Variants in SUPT3H observed in about 807,000 individuals in gnomAD.
SUPT3H encodes SPT3 homolog, SAGA and STAGA complex component.
SUPT3H carries 44 observed loss-of-function variants against 44.3 expected under a neutral mutation model. The observed-to-expected ratio is 0.99, with a 90% CI of 0.78 to 1.28. The LOEUF is 1.28. Among genes scored for constraint, SUPT3H ranks in the 50% most tolerant of loss-of-function variants. SUPT3H has a pLI of 0.00. For synonymous variants in SUPT3H, 124 were observed against 125.6 expected (o/e 0.99, Z 0.09); for missense variants, 380 against 387.1 (o/e 0.98, Z 0.15).
chr6:45,161,965 A>G (rs1490564595), intron 2 of SUPT3H, among the ~76,000 whole-genome samples: 1 of 152,170 alleles, frequency 6.6e-6, no homozygotes, highest in East Asian at 1.9e-4. Flanking sequence ...CGTACTAAAT[A>G]AAGACAATGA....
At chr6:45,099,019 C>G in intron 3 of SUPT3H, 1 of 379,326 alleles carries the variant, frequency 2.6e-6, no homozygotes, top group Non-Finnish European at 5.2e-6. Context: ...CTTCCTCCTC[C>G]TACAGCAGCA....
intron 2 of SUPT3H, among the ~76,000 whole-genome samples, chr6:45,293,497 C>G (rs1456700902): frequency 6.7e-6 from 1 of 149,674 alleles, no homozygotes; most frequent in Admixed American, 6.7e-5. Flanking sequence ...CAGAGCAGAA[C>G]TAAACGAAAC....
intron 2 of SUPT3H, among the ~76,000 whole-genome samples, chr6:45,268,929 G>C (rs1006899710): frequency 2.0e-5 from 3 of 152,144 alleles, no homozygotes; most frequent in Admixed American, 6.5e-5. Flanking sequence ...AATTCATCAG[G>C]AAAATGTAAC....
chr6:44,817,692 G>A lies in SUPT3H; in HGVS notation c.*53-8191C>T, dbSNP rs554829612. On this transcript the variant is annotated intron_variant and NMD_transcript_variant, in intron 11 of 11. Coordinates refer to the SUPT3H transcript ENST00000475057. The stretch of plus-strand genomic sequence containing the variant: ...ATTTTATTTCTCTGTGAAATAAAAT[G>A]AATAATGAATAATTGGAAAATGAAA... Among the ~76,000 whole-genome samples, 6 of 151,736 alleles carry A rather than the reference G, an allele frequency of 4.0e-5. No homozygotes were observed. The East Asian group carries it at 1.2e-3, about 29-fold the overall frequency.
intron 10 of SUPT3H, among the ~76,000 whole-genome samples, chr6:44,862,818 T>C (rs1305927470): frequency 1.3e-5 from 2 of 152,064 alleles, no homozygotes; most frequent in Non-Finnish European, 2.9e-5. Context: ...AAAAGTTCAA[T>C]AAAGACGTAT....
intron 2 of SUPT3H, among the ~76,000 whole-genome samples, chr6:45,320,869 TTAG>T (rs1785379936): frequency 6.6e-6 from 1 of 152,160 alleles, no homozygotes; most frequent in Admixed American, 6.6e-5. Flanking sequence ...TATAAACAAT[TTAG>T]TAGTATTAGT....
intron 2 of SUPT3H, among the ~76,000 whole-genome samples, chr6:45,297,266 A>G (rs1271726286): frequency 6.6e-6 from 1 of 152,154 alleles, no homozygotes; most frequent in Non-Finnish European, 1.5e-5. Context: ...TCTTAGGTGC[A>G]GATTTATAAG....
At chr6:45,313,833 T>G (rs1234035305) in intron 2 of SUPT3H, among the ~76,000 whole-genome samples, 3 of 151,736 alleles carry the variant, frequency 2.0e-5, no homozygotes, top group African/African-American at 7.3e-5. Flanking sequence ...GGGAAGGACA[T>G]AACCAAAAAA....
intron 2 of SUPT3H, among the ~76,000 whole-genome samples, chr6:45,114,398 G>A (rs902472544): frequency 1.3e-5 from 2 of 152,014 alleles, no homozygotes; most frequent in African/African-American, 2.4e-5. Flanking sequence ...ACAGAATCAC[G>A]AAATGTATGC....
chr6:45,220,339 TCAA>T lies in SUPT3H; in HGVS notation c.102-114336_102-114334del, dbSNP rs764211175. Reference sequence around the variant, plus strand: ...AAATAAAGCAATGCAAACAATCACATCAACAAGCTAAAGAAGAAAAATAGTATG... The same window carrying T: ...AAATAAAGCAATGCAAACAATCACATCAAGCTAAAGAAGAAAAATAGTATG... On this transcript the variant is annotated intron_variant, in intron 2 of 10. Coordinates refer to ENST00000371459, the MANE Select transcript of SUPT3H (RefSeq NM_003599.4). Among the ~76,000 whole-genome samples the T allele has an allele frequency of 1.5e-4, 22 of 151,358 alleles. 1 individual carries two copies. Among genetic ancestry groups the T allele is most frequent in the East Asian group, 5.8e-4 (3 of 5,134 alleles).
chr6:45,054,001 C>A (rs543029451), intron 3 of SUPT3H, among the ~76,000 whole-genome samples: 1 of 151,088 alleles, frequency 6.6e-6, no homozygotes, highest in East Asian at 2.0e-4. Flanking sequence ...TCGCCTATAC[C>A]CAGAGAGAGG....
intron 2 of SUPT3H, among the ~76,000 whole-genome samples, chr6:45,169,395 T>TA (rs1255103918): frequency 6.6e-6 from 1 of 152,142 alleles, no homozygotes; most frequent in Non-Finnish European, 1.5e-5. Context: ...CTTAAAATTG[T>TA]AAAAAAGGCT....
At chr6:45,327,303 A>T (rs2150059967) in intron 2 of SUPT3H, among the ~76,000 whole-genome samples, 1 of 151,998 alleles carries the variant, frequency 6.6e-6, no homozygotes, top group Non-Finnish European at 1.5e-5. Context: ...CTGTTAACCC[A>T]CTCTATTCTA....
In SUPT3H at chr6:45,273,902, TC is replaced by T. The variant is rs1435244941; in HGVS notation, c.101+91298del. Among the ~76,000 whole-genome samples the T allele has an allele frequency of 3.3e-5, 5 of 152,296 alleles. No homozygotes were observed. In the East Asian group the frequency reaches 9.6e-4, roughly 29 times the overall value. On this transcript the variant is annotated intron_variant, in intron 2 of 10. Transcript: ENST00000371459. Reference sequence around the variant, plus strand: ...TCTAGAAAAACTGCTAAAAATGTTTTCCAAACTAGCCACACCATAGCACATT... The same window carrying T: ...TCTAGAAAAACTGCTAAAAATGTTTTCAAACTAGCCACACCATAGCACATT...
rs186142646 is a variant in SUPT3H, at chr6:44,993,720, G to C, written c.504+9933C>G. ...GCACTGTGCAGCTAGATTTACCACA[G>C]GTATCTTGTTGGTATTTCTACTAAT... On this transcript the variant is annotated intron_variant, in intron 6 of 10. Transcript: ENST00000371459. 3.2e-3 allele frequency among the ~76,000 whole-genome samples: 489 copies of C among 152,080 alleles called. 5 individuals are homozygous for C. Among genetic ancestry groups the C allele is most frequent in the African/African-American group, 0.011 (458 of 41,490 alleles).
At chr6:45,281,558 T>C (rs950309414) in intron 2 of SUPT3H, among the ~76,000 whole-genome samples, 3 of 152,146 alleles carry the variant, frequency 2.0e-5, no homozygotes, top group Non-Finnish European at 4.4e-5. Context: ...GCGCCCACCA[T>C]TGCCGACGCT....
intron 10 of SUPT3H, among the ~76,000 whole-genome samples, chr6:44,843,906 C>T (rs655669): frequency 0.08 from 3,087 of 38,438 alleles, 41 homozygotes; most frequent in Non-Finnish European, 0.12. Context: ...AACAGCCAAA[C>T]ACACACACAC....
intron 3 of SUPT3H, among the ~76,000 whole-genome samples, chr6:45,048,183 C>T (rs939179500): frequency 1.2e-4 from 18 of 146,552 alleles, no homozygotes; most frequent in Admixed American, 3.4e-4. Context: ...ATATGGCTTG[C>T]GAATATTTTC....
At chr6:45,097,968 C>A (rs1047257739) in intron 3 of SUPT3H, 1 of 152,610 alleles carries the variant, frequency 6.6e-6, no homozygotes, top group African/African-American at 2.4e-5. Context: ...AGGATTGTGG[C>A]GGTCCTCTCT....
Sources: gnomAD v4.1 joint callset for allele counts (sites outside exome capture counted in the v4.1 genomes callset) on GRCh38, gnomAD v4.1.1 for gene constraint, MANE v1.5 for transcripts, NCBI Gene and HGNC (gene_info 2026-07-23, HGNC 2026-07-21) for gene names.